Variants in CSMD1 observed in about 807,000 individuals in gnomAD.
CSMD1 encodes CUB and sushi domain-containing protein 1.
Under a neutral mutation model 417.5 loss-of-function variants are expected in CSMD1, and 213 were observed. The observed-to-expected ratio is 0.51, with a 90% CI of 0.46 to 0.57. The LOEUF (loss-of-function observed/expected upper bound fraction) is 0.57. Ranked by LOEUF, CSMD1 falls within the 20% of genes least tolerant of loss-of-function variation. The pLI is 0.00. For synonymous variants in CSMD1, 2,862 were observed against 1,736.8 expected (o/e 1.65, Z -16.11); for missense variants, 6,923 against 4,529.7 (o/e 1.53, Z -15.17).
intron 2 of CSMD1, among the ~76,000 whole-genome samples, chr8:4,491,429 A>T (rs1309230365): frequency 6.6e-6 from 1 of 152,068 alleles, no homozygotes; most frequent in Non-Finnish European, 1.5e-5. Flanking sequence ...TAGCTGTGAT[A>T]AGGTCAGCAA....
At chr8:3,755,342 G>C (rs774656636) in intron 5 of CSMD1, among the ~76,000 whole-genome samples, 17 of 152,230 alleles carry the variant, frequency 1.1e-4, no homozygotes, top group Non-Finnish European at 1.9e-4. Flanking sequence ...AAAGATGATA[G>C]AGATGCACAT....
At position 2,998,918 on chromosome 8, in the gene CSMD1, T is replaced by C. The variant is rs1807149014; in HGVS notation, c.8204-734A>G. On this transcript the variant is annotated intron_variant, in intron 53 of 69. Transcript: ENST00000635120. ...AGCTTTTACCCGTGAACTTTGTACATTTTTCACATCACTATTACAGATAAT... is the reference window on the plus strand; with the variant it reads ...AGCTTTTACCCGTGAACTTTGTACACTTTTCACATCACTATTACAGATAAT... Among the ~76,000 whole-genome samples the C allele has an allele frequency of 2.0e-5, 3 of 152,194 alleles. 1 individual carries two copies. The South Asian group carries it at 6.2e-4, about 32-fold the overall frequency.
chr8:4,313,805 G>A (rs903146992), intron 3 of CSMD1, among the ~76,000 whole-genome samples: 1 of 151,900 alleles, frequency 6.6e-6, no homozygotes, highest in Non-Finnish European at 1.5e-5. Context: ...CAAAAGGTCA[G>A]GAGTTCGAGA....
intron 3 of CSMD1, among the ~76,000 whole-genome samples, chr8:4,272,627 G>C (rs1046287123): frequency 1.3e-5 from 2 of 152,066 alleles, no homozygotes; most frequent in Non-Finnish European, 2.9e-5. Context: ...TGTTGAATTA[G>C]GTGAGAAATA....
chr8:4,262,532 TATGAGGATC>T (rs1185478383), intron 3 of CSMD1, among the ~76,000 whole-genome samples: 3 of 152,206 alleles, frequency 2.0e-5, no homozygotes, highest in Non-Finnish European at 2.9e-5. Context: ...ACTCAGCCTT[TATGAGGATC>T]ATGCATTTGA....
chr8:3,468,685 A>G (rs779315167), intron 12 of CSMD1, 27 bp downstream of exon 12: 48 of 1,458,292 alleles, frequency 3.3e-5, no homozygotes, highest in Middle Eastern at 1.7e-4. Context: ...CTAACTTCCA[A>G]CCCTGTGAAG....
chr8:3,393,032 A>G (rs2116838551), intron 17 of CSMD1, among the ~76,000 whole-genome samples: 1 of 152,260 alleles, frequency 6.6e-6, no homozygotes, highest in South Asian at 2.1e-4. Flanking sequence ...AACCTCATTC[A>G]CTTATGTACA....
intron 3 of CSMD1, among the ~76,000 whole-genome samples, chr8:4,400,121 C>G (rs914220763): frequency 6.6e-6 from 1 of 152,036 alleles, no homozygotes; most frequent in African/African-American, 2.4e-5. Context: ...ACTCTCTGCT[C>G]TATAGTAATT....
intron 3 of CSMD1, among the ~76,000 whole-genome samples, chr8:4,240,904 G>T (rs1452207202): frequency 6.6e-6 from 1 of 152,134 alleles, no homozygotes; most frequent in South Asian, 2.1e-4. Context: ...TTACTGTAAA[G>T]AAAATAGTTT....
At chr8:3,465,670 T>G (rs1816755633) in intron 12 of CSMD1, among the ~76,000 whole-genome samples, 1 of 152,186 alleles carries the variant, frequency 6.6e-6, no homozygotes, top group Admixed American at 6.5e-5. Context: ...TGATTTCTTG[T>G]CAAGGTTGGA....
chr8:4,981,462 C>T (rs983348032), intron 1 of CSMD1, among the ~76,000 whole-genome samples: 1 of 152,196 alleles, frequency 6.6e-6, no homozygotes, highest in Non-Finnish European at 1.5e-5. Context: ...ACAACCAAAA[C>T]CTGATATCAT....
chr8:4,659,835 C>T lies in CSMD1; in HGVS notation c.86-22277G>A, dbSNP rs372680381. 3.3e-5 allele frequency among the ~76,000 whole-genome samples: 5 copies of T among 151,974 alleles called. No individual in the cohort carries two copies. The East Asian group carries it at 5.8e-4, about 18-fold the overall frequency. ...TTTTTAAATTAATCTATGTAACCAT[C>T]CATATTAACATGCTAAACAATAAAA... On this transcript the variant is annotated intron_variant, in intron 1 of 69. Transcript: ENST00000635120.
At chr8:2,972,481 G>A in intron 57 of CSMD1, among the ~76,000 whole-genome samples, 1 of 152,164 alleles carries the variant, frequency 6.6e-6, no homozygotes, top group East Asian at 1.9e-4. Context: ...CGAATACATG[G>A]TTACCATCAC....
chr8:3,898,611 T>A (rs1468749439), intron 5 of CSMD1, among the ~76,000 whole-genome samples: 1 of 152,206 alleles, frequency 6.6e-6, no homozygotes, highest in Non-Finnish European at 1.5e-5. Context: ...GCTGAATGTT[T>A]ACTAAATCAA....
intron 1 of CSMD1, among the ~76,000 whole-genome samples, chr8:4,658,305 T>A (rs895632196): frequency 1.3e-5 from 2 of 152,100 alleles, no homozygotes; most frequent in Non-Finnish European, 2.9e-5. Flanking sequence ...CATATTTTAA[T>A]AAAATTTTGA....
At chr8:4,862,940 G>A (rs918348041) in intron 1 of CSMD1, among the ~76,000 whole-genome samples, 1 of 151,976 alleles carries the variant, frequency 6.6e-6, no homozygotes, top group Admixed American at 6.5e-5. Flanking sequence ...GGGAAACTAA[G>A]AGAGATAATG....
At chr8:4,861,672 A>G (rs1802140804) in intron 1 of CSMD1, among the ~76,000 whole-genome samples, 1 of 152,166 alleles carries the variant, frequency 6.6e-6, no homozygotes, top group Non-Finnish European at 1.5e-5. Context: ...TTTCTACCAC[A>G]TAACAACACA....
chr8:4,330,003 T>G (rs1449754234), intron 3 of CSMD1, among the ~76,000 whole-genome samples: 1 of 152,128 alleles, frequency 6.6e-6, no homozygotes, highest in Non-Finnish European at 1.5e-5. Flanking sequence ...AGCACCATGC[T>G]TCCTGTACAG....
chr8:2,995,832 A>G (rs1450433700), intron 54 of CSMD1, among the ~76,000 whole-genome samples: 1 of 152,228 alleles, frequency 6.6e-6, no homozygotes, highest in African/African-American at 2.4e-5. Context: ...ATTCATTTAT[A>G]TAACATTCTT....
Sources: gnomAD v4.1 joint callset for allele counts (sites outside exome capture counted in the v4.1 genomes callset) on GRCh38, gnomAD v4.1.1 for gene constraint, MANE v1.5 for transcripts, NCBI Gene and HGNC (gene_info 2026-07-23, HGNC 2026-07-21) for gene names.